Variants in KCNH1 observed in about 807,000 individuals in gnomAD.
KCNH1 encodes voltage-gated delayed rectifier potassium channel KCNH1.
In KCNH1, 27 loss-of-function variants were observed where a neutral mutation model predicts 69.2. That is an observed-to-expected ratio of 0.39 (90% CI 0.29 to 0.54). The LOEUF (loss-of-function observed/expected upper bound fraction) is 0.54. Ranked by LOEUF, KCNH1 falls within the 20% of genes least tolerant of loss-of-function variation. The pLI is 0.68. For synonymous variants in KCNH1, 456 were observed against 487.7 expected (o/e 0.93, Z 0.86); for missense variants, 798 against 1,261.6 (o/e 0.63, Z 5.57).
chr1:210,714,507 G>A (rs1682172051), intron 10 of KCNH1, among the ~76,000 whole-genome samples: 1 of 152,168 alleles, frequency 6.6e-6, no homozygotes, highest in South Asian at 2.1e-4. Flanking sequence ...GGGTTGTGGA[G>A]GACTGAACAC....
At chr1:210,885,378 A>C (rs114911326) in intron 7 of KCNH1, among the ~76,000 whole-genome samples, 1,915 of 152,318 alleles carry the variant, frequency 0.013, 45 homozygotes, top group African/African-American at 0.043. Context: ...CACTCTGGCC[A>C]AAATACTATG....
chr1:210,753,175 T>C (rs1391082010), intron 10 of KCNH1, among the ~76,000 whole-genome samples: 1 of 152,170 alleles, frequency 6.6e-6, no homozygotes, highest in Non-Finnish European at 1.5e-5. Flanking sequence ...GATAATCTGC[T>C]ACACCAGTCA....
chr1:211,036,628 C>T (rs1352370788), intron 5 of KCNH1, among the ~76,000 whole-genome samples: 1 of 152,136 alleles, frequency 6.6e-6, no homozygotes, highest in Non-Finnish European at 1.5e-5. Context: ...GAAGCATGCC[C>T]TATGTTAGAC....
intron 3 of KCNH1, among the ~76,000 whole-genome samples, chr1:211,095,655 T>G (rs185061012): frequency 2.6e-5 from 4 of 152,286 alleles, no homozygotes; most frequent in Admixed American, 2.0e-4. Context: ...ATCCAGACCA[T>G]ATTCGACAGC....
At chr1:210,916,304 G>C (rs1321212372) in intron 7 of KCNH1, among the ~76,000 whole-genome samples, 1 of 152,218 alleles carries the variant, frequency 6.6e-6, no homozygotes, top group Non-Finnish European at 1.5e-5. Context: ...TAACTTTCTT[G>C]TTAGCACAAT....
chr1:210,819,078 A>C (rs760696766), intron 7 of KCNH1, among the ~76,000 whole-genome samples: 20 of 152,164 alleles, frequency 1.3e-4, no homozygotes, highest in Non-Finnish European at 2.6e-4. Context: ...TAATGTCTTT[A>C]TGAAACAGAT....
At chr1:210,968,159 T>C (rs1688444440) in intron 6 of KCNH1, among the ~76,000 whole-genome samples, 1 of 147,896 alleles carries the variant, frequency 6.8e-6, no homozygotes, top group African/African-American at 2.5e-5. Context: ...AGAATGATGA[T>C]TTCCAATTTC....
chr1:211,058,422 A>C (rs943998382), intron 5 of KCNH1, among the ~76,000 whole-genome samples: 1 of 152,198 alleles, frequency 6.6e-6, no homozygotes, highest in African/African-American at 2.4e-5. Flanking sequence ...GTACAATAAA[A>C]TAAATAGAAA....
intron 6 of KCNH1, among the ~76,000 whole-genome samples, chr1:210,972,672 AAC>A (rs1269053556): frequency 6.6e-6 from 1 of 152,178 alleles, no homozygotes; most frequent in Non-Finnish European, 1.5e-5. Context: ...TCAGTGATAG[AAC>A]ACAATGAAAT....
At chr1:210,959,899 C>T (rs1404430095) in intron 6 of KCNH1, among the ~76,000 whole-genome samples, 1 of 152,248 alleles carries the variant, frequency 6.6e-6, no homozygotes, top group Non-Finnish European at 1.5e-5. Flanking sequence ...TCAGCTCGCC[C>T]TCCATGGGCT....
chr1:210,819,782 G>A (rs1684890287), intron 7 of KCNH1, among the ~76,000 whole-genome samples: 1 of 152,200 alleles, frequency 6.6e-6, no homozygotes, highest in Admixed American at 6.5e-5. Flanking sequence ...CCACAGAACA[G>A]TTGACTTGGT....
chr1:211,058,108 CA>C (rs1333744064), intron 5 of KCNH1, among the ~76,000 whole-genome samples: 3 of 151,964 alleles, frequency 2.0e-5, no homozygotes, highest in African/African-American at 7.2e-5. Context: ...ATAGTATATC[CA>C]ACAAAAATAT....
chr1:210,966,836 T>G (rs534103274), intron 6 of KCNH1, among the ~76,000 whole-genome samples: 1 of 152,126 alleles, frequency 6.6e-6, no homozygotes, highest in Non-Finnish European at 1.5e-5. Context: ...AAACTAGAAA[T>G]ACCATTTGAC....
chr1:210,868,176 T>C (rs1481456718), intron 7 of KCNH1, among the ~76,000 whole-genome samples: 1 of 152,072 alleles, frequency 6.6e-6, no homozygotes, highest in East Asian at 1.9e-4. Flanking sequence ...TCTCATGTAG[T>C]TTTCAATTGC....
chr1:210,756,588 G>A (rs1449300659), intron 10 of KCNH1, among the ~76,000 whole-genome samples: 7 of 152,196 alleles, frequency 4.6e-5, no homozygotes, highest in Non-Finnish European at 1.0e-4. Context: ...ACTATAGGCA[G>A]CTCAGGGACA....
chr1:210,802,992 G>A (rs772136017), intron 8 of KCNH1, among the ~76,000 whole-genome samples: 26 of 152,100 alleles, frequency 1.7e-4, no homozygotes, highest in Non-Finnish European at 3.1e-4. Context: ...CCATAGATCT[G>A]GTGAAGGCTG....
At chr1:210,968,745 T>C (rs968758090) in intron 6 of KCNH1, among the ~76,000 whole-genome samples, 3 of 152,126 alleles carry the variant, frequency 2.0e-5, no homozygotes, top group Non-Finnish European at 4.4e-5. Context: ...TTTGTTTGTG[T>C]TCATTGTAGA....
intron 6 of KCNH1, among the ~76,000 whole-genome samples, chr1:210,989,982 C>T (rs955862077): frequency 1.3e-5 from 2 of 152,212 alleles, no homozygotes; most frequent in Non-Finnish European, 2.9e-5. Context: ...GAACATGCTG[C>T]ACTGCTCTGT....
intron 10 of KCNH1, among the ~76,000 whole-genome samples, chr1:210,707,221 TTGG>T (rs1363000136): frequency 6.6e-6 from 1 of 151,944 alleles, no homozygotes; most frequent in African/African-American, 2.4e-5. Flanking sequence ...TGCCAGGTAA[TTGG>T]TGGATGCACG....
Sources: gnomAD v4.1 joint callset for allele counts (sites outside exome capture counted in the v4.1 genomes callset) on GRCh38, gnomAD v4.1.1 for gene constraint, MANE v1.5 for transcripts, NCBI Gene and HGNC (gene_info 2026-07-23, HGNC 2026-07-21) for gene names.